Variants in DCP1A observed in about 807,000 individuals in gnomAD.
The protein encoded by DCP1A is mRNA-decapping enzyme 1A.
DCP1A carries 20 observed loss-of-function variants against 58.0 expected under a neutral mutation model. The ratio of observed to expected loss-of-function variants is 0.34; its 90% confidence interval spans 0.24 to 0.50. The LOEUF is 0.50. DCP1A is among the 20% of genes least tolerant of loss of function. The pLI, the probability that DCP1A is intolerant of heterozygous loss-of-function variation, is 0.98. For synonymous variants in DCP1A, 285 were observed against 275.1 expected (o/e 1.04, Z -0.36); for missense variants, 613 against 712.2 (o/e 0.86, Z 1.59).
At chr3:53,316,263 C>T (rs995753128) in intron 4 of DCP1A, among the ~76,000 whole-genome samples, 1 of 152,122 alleles carries the variant, frequency 6.6e-6, no homozygotes, top group Non-Finnish European at 1.5e-5. Flanking sequence ...AAGTAACAAA[C>T]AGGTTTATGC....
In DCP1A at chr3:53,312,620, G is replaced by A. The variant is rs374757736; in HGVS notation, c.372-241C>T. Among the ~76,000 whole-genome samples, 3 of 150,624 alleles carry A rather than the reference G, an allele frequency of 2.0e-5. No homozygotes were observed. In the South Asian group the frequency reaches 6.3e-4, roughly 32 times the overall value. The stretch of plus-strand genomic sequence containing the variant: ...ACACCATCCTCCTGCCTCAGCCTCC[G>A]GAGTAGCTGGGACTACAGCGCCCAC... On this transcript the variant is annotated intron_variant, in intron 4 of 9. Transcript: ENST00000610213.
chr3:53,295,436 G>T (rs541288395), intron 6 of DCP1A, among the ~76,000 whole-genome samples: 1 of 152,160 alleles, frequency 6.6e-6, no homozygotes, highest in East Asian at 1.9e-4. Flanking sequence ...AAATACTAAA[G>T]ATCTTATATG....
At chr3:53,290,927 T>A in intron 7 of DCP1A, 71 bp from the exon 8 acceptor site, 1 of 1,312,584 alleles carries the variant, frequency 7.6e-7, no homozygotes, top group Non-Finnish European at 1.1e-6. Context: ...TAGTCTTAAT[T>A]GAAAAAGACT....
Position 53,292,950 on chromosome 3 carries a change from C to A in DCP1A, c.625-123G>T. 2 of 995,662 alleles carry A rather than the reference C, an allele frequency of 2.0e-6. No individual in the cohort carries two copies. The highest frequency in any genetic ancestry group is 2.9e-6 in the Non-Finnish European group (2 of 690,306). The allele number at this position is 995,662 out of a possible 1,614,324, so 61.7% of individuals were successfully genotyped here. A position where few individuals can be genotyped will look rare whatever the true frequency, so the allele number is the denominator to read the frequency against. ...ATGGATGGAGTATCAAAATAAGGAA[C>A]GGAAAAAACTGAAGATATACTAAGG... On this transcript the variant is annotated intron_variant, in intron 6 of 9. Transcript: ENST00000610213.
rs1553684767 is a variant in DCP1A, at chr3:53,283,910, TC to T, written c.*3669del. On this transcript the variant is annotated 3_prime_UTR_variant, in exon 10 of 10. Coordinates refer to ENST00000610213, the MANE Select transcript of DCP1A (RefSeq NM_018403.7). The stretch of plus-strand genomic sequence containing the variant: ...CTGTTGAATTTGCTGAAAAACAGGC[TC>T]CTCAAGGCCCTGGTCCACTCGGAAA... 1 of 152,146 alleles carries T rather than the reference TC, an allele frequency of 6.6e-6. No homozygotes were observed. The highest frequency in any genetic ancestry group is 1.5e-5 in the Non-Finnish European group (1 of 68,036). The allele number at this position is 152,146 out of a possible 1,614,324, so 9.4% of individuals were successfully genotyped here. A position where few individuals can be genotyped will look rare whatever the true frequency, so the allele number is the denominator to read the frequency against.
At chr3:53,302,923 GTTTTA>G (rs1370165990) in intron 6 of DCP1A, among the ~76,000 whole-genome samples, 6 of 151,372 alleles carry the variant, frequency 4.0e-5, no homozygotes, top group African/African-American at 1.5e-4. Context: ...GCACCTGGGA[GTTTTA>G]TTTTATTTTT....
At chr3:53,311,401 G>T (rs1363268358) in intron 5 of DCP1A, among the ~76,000 whole-genome samples, 1 of 152,178 alleles carries the variant, frequency 6.6e-6, no homozygotes, top group East Asian at 1.9e-4. Flanking sequence ...AAAATTCCAG[G>T]AGAGTCATAA....
intron 6 of DCP1A, among the ~76,000 whole-genome samples, chr3:53,303,826 G>A (rs1368669407): frequency 2.0e-5 from 3 of 152,180 alleles, no homozygotes; most frequent in Admixed American, 6.5e-5. Flanking sequence ...GTAGGGCCTC[G>A]TGGGCCACTG....
intron 6 of DCP1A, among the ~76,000 whole-genome samples, chr3:53,303,367 A>C (rs1164319436): frequency 2.6e-5 from 4 of 152,278 alleles, no homozygotes; most frequent in South Asian, 2.1e-4. Context: ...CCAGGGTTCA[A>C]GCCATTCTGG....
chr3:53,309,726 C>G (rs1249532318), intron 5 of DCP1A, among the ~76,000 whole-genome samples: 1 of 152,234 alleles, frequency 6.6e-6, no homozygotes, highest in Non-Finnish European at 1.5e-5. Context: ...GATTGTGCCC[C>G]TGCACTCCAG....
rs139591810 is a variant in DCP1A, at chr3:53,341,768, G to A, written c.304+376C>T. On this transcript the variant is annotated intron_variant, in intron 3 of 9. Transcript: ENST00000610213. Reference sequence around the variant, plus strand: ...TGCCCAGGCTGGAGTACAGTGGCGCGATCTCAGCTCACTGCAACCTCCACC... The same window carrying A: ...TGCCCAGGCTGGAGTACAGTGGCGCAATCTCAGCTCACTGCAACCTCCACC... Among the ~76,000 whole-genome samples, 1,506 of 152,012 alleles carry A rather than the reference G, an allele frequency of 9.9e-3. 19 individuals are homozygous for A. Among genetic ancestry groups the A allele is most frequent in the African/African-American group, 0.034 (1,390 of 41,452 alleles).
At chr3:53,332,495 T>C (rs1160309153) in intron 3 of DCP1A, among the ~76,000 whole-genome samples, 8 of 152,216 alleles carry the variant, frequency 5.3e-5, no homozygotes, top group Non-Finnish European at 1.0e-4. Flanking sequence ...TAATACTGCA[T>C]ATTGTACCTC....
chr3:53,313,699 C>A (rs578100800), intron 4 of DCP1A, among the ~76,000 whole-genome samples: 1 of 151,474 alleles, frequency 6.6e-6, no homozygotes, highest in Non-Finnish European at 1.5e-5. Context: ...TGAGGCAGGA[C>A]GATCACTTGA....
At chr3:53,334,138 C>T (rs931037469) in intron 3 of DCP1A, among the ~76,000 whole-genome samples, 22 of 152,048 alleles carry the variant, frequency 1.4e-4, no homozygotes, top group African/African-American at 3.6e-4. Context: ...GTGGCGTGCA[C>T]TTGTGGTCCC....
chr3:53,318,327 T>C (rs1707871168), intron 4 of DCP1A, among the ~76,000 whole-genome samples: 1 of 151,888 alleles, frequency 6.6e-6, no homozygotes, highest in Non-Finnish European at 1.5e-5. Context: ...TAAAGTAAAA[T>C]AAAATAAAAA....
chr3:53,292,247 G>A lies in DCP1A; in HGVS notation c.1205C>T (p.Pro402Leu). The A allele has an allele frequency of 2.5e-6, 4 of 1,614,004 alleles. No individual in the cohort carries two copies. Among genetic ancestry groups the A allele is most frequent in the African/African-American group, 2.7e-5 (2 of 75,044 alleles). ...VDLLQKLRLT[P>L]QHDQIQTQPL... ...TTGTGTCTGTATTTGGTCATGCTGTGGGGTCAACCTGAGTTTCTGGAGAAG... is the reference window on the plus strand; with the variant it reads ...TTGTGTCTGTATTTGGTCATGCTGTAGGGTCAACCTGAGTTTCTGGAGAAG... Residue 402 changes from proline to leucine, a missense_variant, in exon 7 of 10, where the codon CCA becomes CTA. Pro to Leu is a moderately conservative substitution (Grantham distance 98). Transcript: ENST00000610213.
At position 53,292,527 on chromosome 3, in the gene DCP1A, T is replaced by C. The variant is rs781975316; in HGVS notation, c.925A>G (p.Thr309Ala). 3 of 1,613,712 alleles carry C rather than the reference T, an allele frequency of 1.9e-6. No homozygotes were observed. The highest frequency in any genetic ancestry group is 1.7e-5 in the Admixed American group (1 of 59,982). The change falls in exon 7 of 10, where the codon ACC becomes GCC. Residue 309 changes from threonine (T) to alanine (A), a missense_variant. Around this residue, in one of 3 missense-constraint regions of DCP1A, gnomAD observed 498 missense variants for 556.7 expected, o/e 0.89. Transcript: ENST00000610213. ...ITQSNEKHAP[T>A]YTIPLSPVLS... Reference sequence around the variant, plus strand: ...ACAGGGCTCAACGGGATTGTGTAGGTTGGAGCATGCTTTTCATTGGACTGT... The same window carrying C: ...ACAGGGCTCAACGGGATTGTGTAGGCTGGAGCATGCTTTTCATTGGACTGT...
At chr3:53,323,754 C>T (rs1309004019) in intron 3 of DCP1A, among the ~76,000 whole-genome samples, 4 of 149,394 alleles carry the variant, frequency 2.7e-5, no homozygotes, top group Non-Finnish European at 3.0e-5. Context: ...CCCAGCTACT[C>T]GGGAGGCTAA....
intron 6 of DCP1A, among the ~76,000 whole-genome samples, chr3:53,302,149 CAT>C (rs782396152): frequency 2.0e-5 from 3 of 152,142 alleles, no homozygotes; most frequent in Non-Finnish European, 1.5e-5. Context: ...ATCTGAACAA[CAT>C]GTGTGGATTG....
Sources: gnomAD v4.1 joint callset for allele counts (sites outside exome capture counted in the v4.1 genomes callset) on GRCh38, gnomAD v4.1.1 for gene constraint, gnomAD v4.1.1 regional missense constraint, MANE v1.5 for transcripts, NCBI Gene and HGNC (gene_info 2026-07-23, HGNC 2026-07-21) for gene names.